The following KCNH1 variants were observed in gnomAD, a reference collection of about 807,000 sequenced individuals.
KCNH1 encodes the protein potassium voltage-gated channel subfamily H member 1.
Under a neutral mutation model 69.2 loss-of-function variants are expected in KCNH1, and 27 were observed. The ratio of observed to expected loss-of-function variants is 0.39; its 90% CI spans 0.29 to 0.54. KCNH1 has a LOEUF of 0.54. KCNH1 is among the 20% of genes least tolerant of loss of function. The pLI is 0.68. For missense variants in KCNH1, 798 were observed against 1,261.6 expected, an observed-to-expected ratio of 0.63 and a Z score of 5.57; for synonymous variants, 456 against 487.7, an observed-to-expected ratio of 0.93 and a Z score of 0.86.
intron 5 of KCNH1, among the ~76,000 whole-genome samples, chr1:211,067,459 G>A (rs959053851): frequency 6.6e-6 from 1 of 152,140 alleles, no homozygotes; most frequent in African/African-American, 2.4e-5. Context: ...CTTTGCTGGT[G>A]GCCTTCCTGT....
chr1:210,703,373 T>G (rs1444984748), intron 10 of KCNH1, among the ~76,000 whole-genome samples: 1 of 152,150 alleles, frequency 6.6e-6, no homozygotes, highest in Non-Finnish European at 1.5e-5. Context: ...AATCCAGAAG[T>G]CTCACCCCAC....
intron 5 of KCNH1, among the ~76,000 whole-genome samples, chr1:211,078,416 G>C (rs1038903599): frequency 6.6e-6 from 1 of 152,144 alleles, no homozygotes; most frequent in Non-Finnish European, 1.5e-5. Flanking sequence ...ACAACAATCT[G>C]TCCCTTAGAT....
intron 8 of KCNH1, among the ~76,000 whole-genome samples, chr1:210,801,174 G>A (rs12122589): frequency 0.13 from 19,801 of 152,192 alleles, 1,373 homozygotes; most frequent in Non-Finnish European, 0.16. Flanking sequence ...TAAAATTCAT[G>A]TTTCCATGAG....
Position 210,896,375 on chromosome 1 carries a change from G to A in KCNH1, c.1462+23265C>T, listed in dbSNP as rs78495532. Among the ~76,000 whole-genome samples the A allele has an allele frequency of 2.3e-3, 344 of 152,292 alleles. 13 individuals carry two copies. In the East Asian group the frequency reaches 0.058, roughly 26 times the overall value. ...AAAAAACCTGAGAAGTGACCAGGCT[G>A]TAGACAGTAGCCCTAAAACCATCTA... is the stretch of plus-strand genomic sequence containing the variant. On this transcript the variant is annotated intron_variant, in intron 7 of 10. Coordinates refer to ENST00000271751, the MANE Select transcript of KCNH1 (RefSeq NM_172362.3).
intron 3 of KCNH1, among the ~76,000 whole-genome samples, chr1:211,093,063 C>T (rs1329516966): frequency 1.3e-5 from 2 of 152,102 alleles, no homozygotes; most frequent in East Asian, 3.9e-4. Context: ...ATGATGTCTA[C>T]TCCTAGAATC....
intron 5 of KCNH1, among the ~76,000 whole-genome samples, chr1:211,042,210 A>T (rs1222343764): frequency 6.6e-6 from 1 of 152,150 alleles, no homozygotes; most frequent in East Asian, 1.9e-4. Context: ...CCTCTCTCAA[A>T]TAGATTCTTC....
At chr1:210,920,415 G>GAGAT (rs982026910) in intron 6 of KCNH1, among the ~76,000 whole-genome samples, 2 of 152,072 alleles carry the variant, frequency 1.3e-5, no homozygotes, top group Non-Finnish European at 2.9e-5. Flanking sequence ...TCATGGAAAT[G>GAGAT]AGATATTGCA....
intron 9 of KCNH1, among the ~76,000 whole-genome samples, chr1:210,784,315 C>CA (rs1684050510): frequency 1.3e-5 from 2 of 152,272 alleles, no homozygotes; most frequent in South Asian, 4.1e-4. Context: ...ATCCTTACTG[C>CA]AAAAAATAAA....
chr1:210,899,843 A>G (rs1028848884), intron 7 of KCNH1, among the ~76,000 whole-genome samples: 3 of 152,224 alleles, frequency 2.0e-5, no homozygotes, highest in Non-Finnish European at 4.4e-5. Context: ...AACAGAATTC[A>G]AGCCTATGTC....
intron 7 of KCNH1, among the ~76,000 whole-genome samples, chr1:210,884,246 T>C (rs1574316347): frequency 6.6e-6 from 1 of 152,206 alleles, no homozygotes; most frequent in Admixed American, 6.5e-5. Context: ...TTGGCTTCAA[T>C]AGCATCAAGT....
intron 7 of KCNH1, among the ~76,000 whole-genome samples, chr1:210,873,623 C>G (rs891925163): frequency 9.9e-5 from 15 of 152,142 alleles, no homozygotes; most frequent in Admixed American, 6.6e-5. Flanking sequence ...ACTCAGCCCC[C>G]CAAAGTTCTG....
chr1:210,910,099 T>C (rs1687198205), intron 7 of KCNH1, among the ~76,000 whole-genome samples: 2 of 145,064 alleles, frequency 1.4e-5, no homozygotes, highest in South Asian at 4.4e-4. Flanking sequence ...AAAAAAAATT[T>C]CATCAAATTG....
chr1:211,033,369 A>T (rs1384666430), intron 5 of KCNH1, among the ~76,000 whole-genome samples: 1 of 152,222 alleles, frequency 6.6e-6, no homozygotes, highest in Non-Finnish European at 1.5e-5. Flanking sequence ...TTCCTCAGGG[A>T]TCTAGAACTA....
chr1:211,095,521 C>T (rs17017197), intron 3 of KCNH1, among the ~76,000 whole-genome samples: 12,019 of 152,292 alleles, frequency 0.079, 717 homozygotes, highest in South Asian at 0.17. Context: ...TGAGGTTCCT[C>T]AGCCTTGGCA....
intron 6 of KCNH1, among the ~76,000 whole-genome samples, chr1:210,932,808 T>C (rs1331669304): frequency 6.6e-6 from 1 of 152,190 alleles, no homozygotes; most frequent in Admixed American, 6.5e-5. Flanking sequence ...CAAGACAATA[T>C]AATAACTGTA....
chr1:211,018,617 G>T (rs573798202), intron 6 of KCNH1, among the ~76,000 whole-genome samples, 166 bp downstream of exon 6: 1 of 152,168 alleles, frequency 6.6e-6, no homozygotes, highest in African/African-American at 2.4e-5. Flanking sequence ...CCTCCAAACC[G>T]CCAAAGGATG....
At chr1:210,698,011 T>C (rs1318251302) in intron 10 of KCNH1, among the ~76,000 whole-genome samples, 2 of 152,248 alleles carry the variant, frequency 1.3e-5, no homozygotes, top group African/African-American at 2.4e-5. Flanking sequence ...AGTTTGTGGA[T>C]TGCTTTTCTC....
At chr1:210,899,101 G>A (rs1686937117) in intron 7 of KCNH1, among the ~76,000 whole-genome samples, 2 of 152,154 alleles carry the variant, frequency 1.3e-5, no homozygotes, top group African/African-American at 2.4e-5. Flanking sequence ...AGTGTGACCA[G>A]GAACTCTAGA....
At chr1:211,046,678 C>A (rs1448726649) in intron 5 of KCNH1, among the ~76,000 whole-genome samples, 1 of 152,098 alleles carries the variant, frequency 6.6e-6, no homozygotes, top group East Asian at 1.9e-4. Context: ...TGCTTTAAAC[C>A]CCTCTGCTCT....
Sources: allele counts gnomAD v4.1 joint callset (sites outside exome capture counted in the v4.1 genomes callset), GRCh38; gene constraint gnomAD v4.1.1; transcripts MANE v1.5; gene names NCBI Gene and HGNC (gene_info 2026-07-23, HGNC 2026-07-21).